The following ZBTB16 variants were observed in gnomAD, a reference collection of about 807,000 sequenced individuals.
The protein encoded by ZBTB16 is zinc finger and BTB domain containing 16, also known as zinc finger and BTB domain-containing protein 16.
Under a neutral mutation model 56.8 loss-of-function variants are expected in ZBTB16, and 8 were observed. The ratio of observed to expected loss-of-function variants is 0.14; its 90% CI spans 0.08 to 0.25. The LOEUF (loss-of-function observed/expected upper bound fraction) is 0.25. Among genes scored for constraint, ZBTB16 ranks in the 10% least tolerant of loss-of-function variants. ZBTB16 has a pLI of 1.00. For synonymous variants in ZBTB16, 363 were observed against 368.5 expected (o/e 0.98, Z 0.17); for missense variants, 625 against 903.0 (o/e 0.69, Z 3.95).
Position 114,064,542 on chromosome 11 carries a change from T to C in ZBTB16, c.1242T>C (p.Pro414=). Residue 414 remains proline, a synonymous_variant, in exon 2 of 7, where the codon CCT becomes CCC. Transcript: ENST00000335953. The surrounding 1 kb of genome is among the most constrained non-coding windows in gnomAD (Gnocchi z 4.2). ...EQCSVCGVEL[P]DNEAVEQHRK... is the part of the protein sequence containing the mutation. ...GCAGCGTGTGTGGGGTCGAGCTTCC[T>C]GATAACGAGGCTGTGGAGCAGCACA... The C allele has an allele frequency of 2.5e-6, 4 of 1,613,916 alleles. No homozygotes were observed. The highest frequency in any genetic ancestry group is 3.4e-6 in the Non-Finnish European group (4 of 1,179,998).
chr11:114,112,936 A>G (rs1049528328), intron 2 of ZBTB16, among the ~76,000 whole-genome samples: 1 of 151,612 alleles, frequency 6.6e-6, no homozygotes, highest in Non-Finnish European at 1.5e-5. Context: ...AGGTTTTTAA[A>G]TTTTTTAAAA....
At chr11:114,107,967 C>G (rs79162904) in intron 2 of ZBTB16, among the ~76,000 whole-genome samples, 4,350 of 151,512 alleles carry the variant, frequency 0.029, 204 homozygotes, top group African/African-American at 0.099. Flanking sequence ...ATTTTCACCT[C>G]CTCTCCTCCC....
At chr11:114,224,711 C>T (rs1432393974) in intron 4 of ZBTB16, among the ~76,000 whole-genome samples, 7 of 152,088 alleles carry the variant, frequency 4.6e-5, no homozygotes, top group African/African-American at 1.2e-4. Flanking sequence ...TCCCAATCCA[C>T]GATGGAGATC....
intron 4 of ZBTB16, among the ~76,000 whole-genome samples, chr11:114,238,551 TA>T (rs1189239164): frequency 6.6e-6 from 1 of 152,018 alleles, no homozygotes; most frequent in African/African-American, 2.4e-5. Context: ...CCATTTTAAT[TA>T]CCTAATTATC....
intron 2 of ZBTB16, among the ~76,000 whole-genome samples, chr11:114,091,065 T>G (rs1940166454): frequency 6.6e-6 from 1 of 152,152 alleles, no homozygotes; most frequent in South Asian, 2.1e-4. Flanking sequence ...TTAACCTTCT[T>G]TAGTAAAGAC....
At position 114,242,148 on chromosome 11, in the gene ZBTB16, C is replaced by G; in HGVS notation, c.1454-19C>G. 1.2e-6 allele frequency: 2 copies of G among 1,613,444 alleles called. No homozygotes were observed. The highest frequency in any genetic ancestry group is 2.2e-5 in the South Asian group (2 of 91,076). On this transcript the variant is annotated intron_variant, in intron 4 of 6. Coordinates refer to ENST00000335953, the MANE Select transcript of ZBTB16 (RefSeq NM_006006.6). ...GTATTCCCACCTTTCTGAGGCACCC[C>G]CTCTCCTGTCTCCCACAGGCACTGA...
At chr11:114,238,849 C>T (rs964396328) in intron 4 of ZBTB16, among the ~76,000 whole-genome samples, 1 of 152,178 alleles carries the variant, frequency 6.6e-6, no homozygotes, top group Non-Finnish European at 1.5e-5. Context: ...TGTGTCCCAA[C>T]TTCTTGTCCT....
At chr11:114,233,729 T>C (rs1489914104) in intron 4 of ZBTB16, among the ~76,000 whole-genome samples, 3 of 152,064 alleles carry the variant, frequency 2.0e-5, no homozygotes, top group Non-Finnish European at 4.4e-5. Context: ...AATCCATTCA[T>C]GTTACTTTTA....
At chr11:114,092,296 G>T (rs2137729032) in intron 2 of ZBTB16, among the ~76,000 whole-genome samples, 1 of 152,318 alleles carries the variant, frequency 6.6e-6, no homozygotes, top group African/African-American at 2.4e-5. Context: ...GGGGAGAAGC[G>T]AGGGAGAGCC....
At chr11:114,192,780 T>C (rs1203082673) in intron 4 of ZBTB16, among the ~76,000 whole-genome samples, 2 of 152,194 alleles carry the variant, frequency 1.3e-5, no homozygotes, top group East Asian at 1.9e-4. Flanking sequence ...CATTTTCTTA[T>C]TGCTAGACCG....
At chr11:114,164,927 T>G (rs1052744302) in intron 3 of ZBTB16, among the ~76,000 whole-genome samples, 1 of 152,220 alleles carries the variant, frequency 6.6e-6, no homozygotes, top group Non-Finnish European at 1.5e-5. Context: ...CCTTTGTGTC[T>G]GTGTCAGCCT....
chr11:114,221,379 C>T (rs1051074430), intron 4 of ZBTB16, among the ~76,000 whole-genome samples: 1 of 152,150 alleles, frequency 6.6e-6, no homozygotes, highest in African/African-American at 2.4e-5. Flanking sequence ...GGAATAAGCT[C>T]CTTTGGAGAA....
chr11:114,160,278 G>A (rs566207293), intron 3 of ZBTB16, among the ~76,000 whole-genome samples: 1 of 152,116 alleles, frequency 6.6e-6, no homozygotes, highest in African/African-American at 2.4e-5. Context: ...TAATCTGGTT[G>A]GGGTGGGGTG....
At chr11:114,133,429 G>C (rs1421584603) in intron 2 of ZBTB16, among the ~76,000 whole-genome samples, 2 of 152,308 alleles carry the variant, frequency 1.3e-5, no homozygotes, top group South Asian at 2.1e-4. Flanking sequence ...TAGCCGCTGA[G>C]TGGAGGTGGC....
intron 4 of ZBTB16, among the ~76,000 whole-genome samples, chr11:114,192,213 A>G (rs529276851): frequency 3.9e-5 from 6 of 152,224 alleles, no homozygotes; most frequent in African/African-American, 1.2e-4. Flanking sequence ...CAGCAGAGTA[A>G]CCTGGACTTG....
At position 114,256,552 on chromosome 11, in the gene ZBTB16, A is replaced by G. The variant is rs1290002201; in HGVS notation, c.*5997A>G. Among the ~76,000 whole-genome samples the G allele has an allele frequency of 1.3e-5, 2 of 152,168 alleles. No individual in the cohort carries two copies. Among genetic ancestry groups the G allele is most frequent in the Admixed American group, 1.3e-4 (2 of 15,278 alleles). ...CGTCTTCTTTAGTCTTTAGAGAGAC[A>G]TTTTCAACTGACTCCTTAGTGGCTA... On this transcript the variant is annotated 3_prime_UTR_variant, in exon 7 of 7. Transcript: ENST00000335953.
At chr11:114,122,511 C>T (rs1941374204) in intron 2 of ZBTB16, among the ~76,000 whole-genome samples, 1 of 152,096 alleles carries the variant, frequency 6.6e-6, no homozygotes, top group African/African-American at 2.4e-5. Context: ...CTAAGTTAAA[C>T]AAGAGGATTT....
At chr11:114,162,651 C>T (rs75954260) in intron 3 of ZBTB16, among the ~76,000 whole-genome samples, 11,771 of 152,242 alleles carry the variant, frequency 0.077, 845 homozygotes, top group African/African-American at 0.18. Context: ...AGGGCAAACC[C>T]GGGAGATGAC....
intron 3 of ZBTB16, among the ~76,000 whole-genome samples, chr11:114,169,798 G>T (rs907018373): frequency 6.6e-5 from 10 of 152,238 alleles, no homozygotes; most frequent in Non-Finnish European, 1.5e-4. Flanking sequence ...AATGAGGAGA[G>T]CTTCGGGAAG....
Sources: gnomAD v4.1 joint callset for allele counts (sites outside exome capture counted in the v4.1 genomes callset) on GRCh38, gnomAD v4.1.1 for gene constraint, Gnocchi (gnomAD v3.1) non-coding constraint, MANE v1.5 for transcripts, NCBI Gene and HGNC (gene_info 2026-07-23, HGNC 2026-07-21) for gene names.